Variants in RPH3A observed in about 807,000 individuals in gnomAD.
The protein encoded by RPH3A is rabphilin-3A.
Under a neutral mutation model 102.2 loss-of-function variants are expected in RPH3A, and 48 were observed. The observed-to-expected ratio is 0.47, with a 90% CI of 0.37 to 0.60. The LOEUF (loss-of-function observed/expected upper bound fraction) is 0.60, where lower values mean the gene tolerates loss of function less well. Ranked by LOEUF, RPH3A falls within the 20% of genes least tolerant of loss-of-function variation. The pLI is 0.00. For missense variants in RPH3A, 781 were observed against 910.1 expected, an observed-to-expected ratio of 0.86 and a Z score of 1.83; for synonymous variants, 310 against 324.3, an observed-to-expected ratio of 0.96 and a Z score of 0.47.
intron 19 of RPH3A, among the ~76,000 whole-genome samples, chr12:112,891,539 A>T (rs1366504030): frequency 6.6e-6 from 1 of 152,214 alleles, no homozygotes; most frequent in Admixed American, 6.5e-5. Context: ...TTATCAGGGG[A>T]AATGCCCATT....
intron 1 of RPH3A, among the ~76,000 whole-genome samples, chr12:112,736,879 G>A (rs1039553901): frequency 1.3e-5 from 2 of 152,138 alleles, no homozygotes; most frequent in African/African-American, 2.4e-5. Flanking sequence ...TTCTGGCCGG[G>A]CACAGTGGCT....
intron 1 of RPH3A, among the ~76,000 whole-genome samples, chr12:112,580,725 A>C (rs10128883): frequency 0.021 from 3,235 of 152,058 alleles, 119 homozygotes; most frequent in African/African-American, 0.073. Context: ...TTTTGTATAC[A>C]GTATTTGAGG....
In RPH3A at chr12:112,652,463, C is replaced by G. The variant is rs144579137; in HGVS notation, c.-140+77144C>G. 9.9e-4 allele frequency among the ~76,000 whole-genome samples: 151 copies of G among 152,262 alleles called. 2 individuals are homozygous for G. The East Asian group carries it at 0.026, about 26-fold the overall frequency. On this transcript the variant is annotated intron_variant, in intron 1 of 21. Transcript: ENST00000543106. ...CCAGCCTGGGTGACAGAAAAAGACC[C>G]TGTTTCTCAAAAACAACAAAACTCC...
intron 1 of RPH3A, among the ~76,000 whole-genome samples, chr12:112,655,100 A>G (rs961745605): frequency 5.9e-5 from 9 of 152,204 alleles, no homozygotes; most frequent in Admixed American, 1.3e-4. Flanking sequence ...CCAGACCACA[A>G]AGGGTTTCAT....
At chr12:112,579,057 A>G (rs1361108453) in intron 1 of RPH3A, among the ~76,000 whole-genome samples, 5 of 152,204 alleles carry the variant, frequency 3.3e-5, no homozygotes, top group Non-Finnish European at 5.9e-5. Flanking sequence ...GGGAAACTAC[A>G]GCACATACTT....
intron 2 of RPH3A, among the ~76,000 whole-genome samples, chr12:112,801,963 C>A (rs1032288407): frequency 6.6e-6 from 1 of 152,156 alleles, no homozygotes; most frequent in Non-Finnish European, 1.5e-5. Context: ...GGCATCTAAT[C>A]TTTTGCTTCT....
chr12:112,869,635 CTT>C (rs1179501629), intron 8 of RPH3A, 122 bp from the exon 9 acceptor site: 18 of 968,168 alleles, frequency 1.9e-5, no homozygotes, highest in Admixed American at 4.9e-5. Context: ...GGGAGAAAGA[CTT>C]TTAATTTTTA....
chr12:112,785,755 G>A (rs957913020), intron 1 of RPH3A, among the ~76,000 whole-genome samples: 4 of 152,170 alleles, frequency 2.6e-5, no homozygotes. Flanking sequence ...GCATGTGGTA[G>A]AGTCAGATTT....
chr12:112,706,658 G>T (rs561940296), intron 1 of RPH3A, among the ~76,000 whole-genome samples: 1 of 152,162 alleles, frequency 6.6e-6, no homozygotes, highest in African/African-American at 2.4e-5. Context: ...GGTCCTGACC[G>T]AGTGTCTCAC....
intron 5 of RPH3A, among the ~76,000 whole-genome samples, chr12:112,858,217 T>C (rs1189082940): frequency 1.6e-5 from 2 of 124,858 alleles, no homozygotes; most frequent in Non-Finnish European, 3.1e-5. Context: ...CAGCGAGCTA[T>C]GATCAAGCCA....
At chr12:112,770,324 G>C (rs1309605802) in intron 1 of RPH3A, among the ~76,000 whole-genome samples, 2 of 148,114 alleles carry the variant, frequency 1.4e-5, no homozygotes, top group Admixed American at 6.8e-5. Context: ...ATTTCTTTTT[G>C]TTTCTTTCTT....
chr12:112,720,322 A>T (rs1052290038), intron 1 of RPH3A, among the ~76,000 whole-genome samples: 2 of 152,248 alleles, frequency 1.3e-5, no homozygotes, highest in African/African-American at 4.8e-5. Flanking sequence ...ATCTGAACAT[A>T]ATGATAGATG....
At chr12:112,789,828 G>A (rs534673202), upstream of RPH3A, among the ~76,000 whole-genome samples, 1 of 147,446 alleles carries the variant, frequency 6.8e-6, no homozygotes, top group Non-Finnish European at 1.5e-5. Context: ...GAGGCAGGTG[G>A]TTCATTTGAG....
chr12:112,713,008 TTCC>T (rs1250574318), intron 1 of RPH3A, among the ~76,000 whole-genome samples: 8 of 74,456 alleles, frequency 1.1e-4, no homozygotes, highest in African/African-American at 4.7e-4. Context: ...CCTCTTCCTC[TTCC>T]TCTTCCTCTT....
chr12:112,845,172 C>G (rs1473052853), intron 4 of RPH3A, among the ~76,000 whole-genome samples: 1 of 152,226 alleles, frequency 6.6e-6, no homozygotes, highest in African/African-American at 2.4e-5. Flanking sequence ...GTATGAATAA[C>G]AGGAGGCAGG....
At chr12:112,800,634 G>A (rs1369169981) in intron 2 of RPH3A, among the ~76,000 whole-genome samples, 1 of 152,180 alleles carries the variant, frequency 6.6e-6, no homozygotes, top group Non-Finnish European at 1.5e-5. Context: ...TGATGGGGCA[G>A]GGACCAGGTG....
chr12:112,812,904 T>C (rs1374214720), intron 2 of RPH3A, among the ~76,000 whole-genome samples: 2 of 152,218 alleles, frequency 1.3e-5, no homozygotes, highest in African/African-American at 4.8e-5. Flanking sequence ...ACACAGTAGG[T>C]GATAACTACA....
intron 5 of RPH3A, among the ~76,000 whole-genome samples, chr12:112,849,994 G>A (rs1027854818): frequency 2.0e-5 from 3 of 152,180 alleles, no homozygotes; most frequent in African/African-American, 7.2e-5. Flanking sequence ...AAATGATCTA[G>A]AACAGGGTAA....
At chr12:112,889,693 G>T (rs1362747195) in intron 17 of RPH3A, among the ~76,000 whole-genome samples, 1 of 152,200 alleles carries the variant, frequency 6.6e-6, no homozygotes, top group Non-Finnish European at 1.5e-5. Flanking sequence ...ATGAAATCTT[G>T]TCTGTTTGTG....
Sources: gnomAD v4.1 joint callset for allele counts (sites outside exome capture counted in the v4.1 genomes callset) on GRCh38, gnomAD v4.1.1 for gene constraint, MANE v1.5 for transcripts, NCBI Gene and HGNC (gene_info 2026-07-23, HGNC 2026-07-21) for gene names.